Variants in PCSK9 observed in about 807,000 individuals in gnomAD.
PCSK9 encodes convertase subtilisin/kexin type 9 preproprotein.
A neutral mutation model predicts 62.1 loss-of-function variants in PCSK9; 57 were observed. The observed-to-expected ratio is 0.92, with a 90% CI of 0.74 to 1.14. The LOEUF (loss-of-function observed/expected upper bound fraction) is 1.14, where lower values mean the gene tolerates loss of function less well. Among genes scored for constraint, PCSK9 ranks in the 50% most tolerant of loss-of-function variants. The probability of loss-of-function intolerance (pLI) is 0.00; values close to 1 mark genes in which losing one functional copy is unlikely to be tolerated. For synonymous variants in PCSK9, 387 were observed against 409.4 expected, an observed-to-expected ratio of 0.95 and a Z score of 0.66; for missense variants, 870 against 959.8, an observed-to-expected ratio of 0.91 and a Z score of 1.24.
In PCSK9 at chr1:55,039,971, T is replaced by C. The variant is rs1360032511; in HGVS notation, c.134T>C (p.Leu45Ser). The stretch of plus-strand genomic sequence containing the variant: ...GACTACGAGGAGCTGGTGCTAGCCT[T>C]GCGTTCCGAGGAGGACGGCCTGGCC... ...DGDYEELVLA[L>S]RSEEDGLAEA... Residue 45 changes from leucine to serine, a missense_variant, in exon 1 of 12, where the codon TTG becomes TCG. Coordinates refer to ENST00000302118, the MANE Select transcript of PCSK9 (RefSeq NM_174936.4). 1 of 1,580,468 alleles carries C rather than the reference T, an allele frequency of 6.3e-7. No individual in the cohort carries two copies. Among genetic ancestry groups the C allele is most frequent in the Non-Finnish European group, 8.6e-7 (1 of 1,164,142 alleles).
Position 55,059,561 on chromosome 1 carries a change from T to G in PCSK9, c.1579T>G (p.Cys527Gly). The change falls in exon 10 of 12, where the codon TGC (cysteine) becomes GGC (glycine). Residue 527 changes from cysteine to glycine, a missense_variant. Cys to Gly is a radical substitution (Grantham distance 159). Transcript: ENST00000302118. ...GGGTGTCTACGCCATTGCCAGGTGC[T>G]GCCTGCTACCCCAGGCCAACTGCAG... Reference protein sequence around the residue: ...GEGVYAIARCCLLPQANCSVH... With the variant: ...GEGVYAIARCGLLPQANCSVH... 1 of 1,557,182 alleles carries G rather than the reference T, an allele frequency of 6.4e-7. No individual in the cohort carries two copies. The highest frequency in any genetic ancestry group is 1.7e-4 in the Middle Eastern group (1 of 5,982).
At chr1:55,051,505 G>A (rs768525356) in intron 3 of PCSK9, 7 of 312,606 alleles carry the variant, frequency 2.2e-5, no homozygotes, top group Non-Finnish European at 4.3e-5. Context: ...CATCCAGCAG[G>A]CTGGACCTGC....
At chr1:55,061,301 G>A (rs540643080) in intron 10 of PCSK9, 74 bp from the exon 11 acceptor site, 2 of 1,477,622 alleles carry the variant, frequency 1.4e-6, no homozygotes, top group African/African-American at 1.4e-5. Context: ...AAAGAGAGAG[G>A]GTCTGATGGG....
chr1:55,058,437 A>C, intron 8 of PCSK9, 62 bp from the exon 9 acceptor site: 1 of 1,609,430 alleles, frequency 6.2e-7, no homozygotes, highest in Non-Finnish European at 8.5e-7. Flanking sequence ...CATGAACTAA[A>C]GATTTCTGTG....
At chr1:55,046,285 G>A (rs1234736368) in intron 2 of PCSK9, among the ~76,000 whole-genome samples, 3 of 152,206 alleles carry the variant, frequency 2.0e-5, no homozygotes, top group Non-Finnish European at 2.9e-5. Flanking sequence ...TTCCTAAAAG[G>A]AATCCTCTAT....
chr1:55,052,124 T>G, intron 3 of PCSK9, 154 bp from the exon 4 acceptor site: 1 of 1,001,940 alleles, frequency 1.0e-6, no homozygotes, highest in Non-Finnish European at 1.6e-6. Flanking sequence ...TAGAATAGGA[T>G]GTAGTGTGTG....
Position 55,052,666 on chromosome 1 carries a change from G to A in PCSK9, c.674G>A (p.Ser225Asn), listed in dbSNP as rs774478819. ...RFHRQASKCD[S>N]HGTHLAGVVS... ...GTCGAGCAGGCCAGCAAGTGTGACA[G>A]TCATGGCACCCACCTGGCAGGGGTG... Residue 225 changes from serine to asparagine, a missense_variant, in exon 5 of 12, where the codon AGT becomes AAT. Coordinates refer to ENST00000302118, the MANE Select transcript of PCSK9 (RefSeq NM_174936.4). 3.1e-6 allele frequency: 5 copies of A among 1,613,196 alleles called. No individual in the cohort carries two copies. Among genetic ancestry groups the A allele is most frequent in the Non-Finnish European group, 3.4e-6 (4 of 1,179,852 alleles).
intron 7 of PCSK9, 64 bp from the exon 8 acceptor site, chr1:55,057,972 G>T: frequency 3.8e-6 from 6 of 1,592,814 alleles, no homozygotes; most frequent in Non-Finnish European, 5.2e-6. Context: ...GCACTGGCAG[G>T]AGTCCCCTGC....
intron 1 of PCSK9, among the ~76,000 whole-genome samples, chr1:55,041,204 G>C (rs533253922): frequency 6.6e-6 from 1 of 152,326 alleles, no homozygotes; most frequent in Non-Finnish European, 1.5e-5. Context: ...AGTGTGACCT[G>C]TTGGTGACAT....
rs1644783898 is a variant in PCSK9 at position 55,064,138 on chromosome 1, G to GGT, written c.*554_*555insGT. The GGT allele has an allele frequency of 6.4e-6, 1 of 155,382 alleles. No homozygotes were observed. Among genetic ancestry groups the GGT allele is most frequent in the Admixed American group, 6.3e-5 (1 of 15,850 alleles). 9.6% of individuals were successfully genotyped at this position (155,382 alleles called of 1,614,324 possible). A position where few individuals can be genotyped will look rare whatever the true frequency, so the allele number is the denominator to read the frequency against. On this transcript the variant is annotated 3_prime_UTR_variant, in exon 12 of 12. Transcript: ENST00000302118. Reference sequence around the variant, plus strand: ...TAGCTTTCTGGATGGCATCTAGCCAGAGGCTGGAGACAGGTGCGCCCCTGG... The same window carrying GGT: ...TAGCTTTCTGGATGGCATCTAGCCAGGTAGGCTGGAGACAGGTGCGCCCCTGG...
At chr1:55,063,020 C>T (rs1037931823) in intron 11 of PCSK9, among the ~76,000 whole-genome samples, 2 of 152,004 alleles carry the variant, frequency 1.3e-5, no homozygotes, top group African/African-American at 4.8e-5. Context: ...CACCAAGGCT[C>T]GGGCCCCTGG....
rs1482202058 is a variant in PCSK9 at position 55,064,102 on chromosome 1, T to A, written c.*518T>A. The stretch of plus-strand genomic sequence containing the variant: ...GAGAAGCCCCTGGGGGCTCCCTGAT[T>A]AATGGAGGCTTAGCTTTCTGGATGG... On this transcript the variant is annotated 3_prime_UTR_variant, in exon 12 of 12. Coordinates refer to ENST00000302118, the MANE Select transcript of PCSK9 (RefSeq NM_174936.4). 1.3e-5 allele frequency: 2 copies of A among 155,504 alleles called. No individual in the cohort carries two copies. Among genetic ancestry groups the A allele is most frequent in the African/African-American group, 4.8e-5 (2 of 41,338 alleles). The allele number at this position is 155,504 out of a possible 1,614,324, so 9.6% of individuals were successfully genotyped here.
In PCSK9 at chr1:55,052,662, G is replaced by C. The variant is rs1644684119; in HGVS notation, c.670G>C (p.Asp224His). The change falls in exon 5 of 12, where the codon GAC becomes CAC. Residue 224 changes from aspartate to histidine, a missense_variant. By Grantham distance (81) the Asp-to-His change is moderately conservative (BLOSUM62 -1). Coordinates refer to ENST00000302118, the MANE Select transcript of PCSK9 (RefSeq NM_174936.4). ...TRFHRQASKC[D>H]SHGTHLAGVV... ...GTTCGTCGAGCAGGCCAGCAAGTGT[G>C]ACAGTCATGGCACCCACCTGGCAGG... 3 of 1,613,040 alleles carry C rather than the reference G, an allele frequency of 1.9e-6. No homozygotes were observed. Among genetic ancestry groups the C allele is most frequent in the Non-Finnish European group, 2.5e-6 (3 of 1,179,828 alleles).
At chr1:55,057,772 G>A (rs1471669121) in intron 7 of PCSK9, among the ~76,000 whole-genome samples, 3 of 152,230 alleles carry the variant, frequency 2.0e-5, no homozygotes, top group Non-Finnish European at 4.4e-5. Context: ...CTTGGAGGAG[G>A]GACATTTGAT....
rs376753957 is a variant in PCSK9, at chr1:55,056,186, C to T, written c.993C>T (p.Pro331=). The T allele has an allele frequency of 2.9e-4, 428 of 1,457,672 alleles. 3 individuals carry two copies. The East Asian group carries it at 4.5e-3, about 15-fold the overall frequency. The allele number at this position is 1,457,672 out of a possible 1,614,324, so 90.3% of individuals were successfully genotyped here. The change falls in exon 6 of 12, where the codon CCC becomes CCT. Residue 331 remains proline (P), a synonymous_variant. Coordinates refer to ENST00000302118, the MANE Select transcript of PCSK9 (RefSeq NM_174936.4). ...GCCTCTACTCCCCAGCCTCAGCTCC[C>T]GAGGTAGGTGCTGGGGCTGCTGCCC... The part of the protein sequence containing the change: ...DACLYSPASA[P]EVITVGATNA...
chr1:55,052,525 C>G, intron 4 of PCSK9, 114 bp downstream of exon 4: 1 of 1,535,864 alleles, frequency 6.5e-7, no homozygotes, highest in Non-Finnish European at 8.9e-7. Context: ...GCACCCCCCC[C>G]AGCTGTCACT....
intron 5 of PCSK9, among the ~76,000 whole-genome samples, chr1:55,054,470 G>A (rs1259091614): frequency 3.3e-5 from 5 of 152,190 alleles, no homozygotes; most frequent in Admixed American, 2.6e-4. Flanking sequence ...CCCTCCCTCC[G>A]TGGTGTGAGG....
intron 1 of PCSK9, among the ~76,000 whole-genome samples, chr1:55,042,154 C>T (rs1444427756): frequency 2.0e-5 from 3 of 151,688 alleles, no homozygotes; most frequent in Non-Finnish European, 4.4e-5. Flanking sequence ...ACCACGTTGG[C>T]CAGGCTAGTC....
intron 9 of PCSK9, 25 bp from the exon 10 acceptor site, chr1:55,059,461 T>A (rs1210193460): frequency 6.4e-7 from 1 of 1,554,016 alleles, no homozygotes. Context: ...TAAAGCAGAT[T>A]CCCATTTCCG....
Sources: gnomAD v4.1 joint callset for allele counts (sites outside exome capture counted in the v4.1 genomes callset) on GRCh38, gnomAD v4.1.1 for gene constraint, MANE v1.5 for transcripts, NCBI Gene and HGNC (gene_info 2026-07-23, HGNC 2026-07-21) for gene names.